CFAP70: variants seen among roughly 807,000 people sequenced by gnomAD.
CFAP70 encodes cilia- and flagella-associated protein 70.
Under a neutral mutation model 137.6 loss-of-function variants are expected in CFAP70, and 81 were observed. That is an observed-to-expected ratio of 0.59 (90% CI 0.49 to 0.71). The LOEUF (loss-of-function observed/expected upper bound fraction) is 0.71. Among genes scored for constraint, CFAP70 ranks in the 30% least tolerant of loss-of-function variants. The probability of loss-of-function intolerance (pLI) is 0.00; values close to 1 mark genes in which losing one functional copy is unlikely to be tolerated. For synonymous variants in CFAP70, 382 were observed against 423.6 expected, an observed-to-expected ratio of 0.90 and a Z score of 1.20; for missense variants, 976 against 1,226.7, an observed-to-expected ratio of 0.80 and a Z score of 3.05.
chr10:73,337,439 G>A (rs2052779795), intron 6 of CFAP70, among the ~76,000 whole-genome samples: 1 of 152,184 alleles, frequency 6.6e-6, no homozygotes, highest in Admixed American at 6.5e-5. Flanking sequence ...AGCTGAGATA[G>A]CGCCATTGCA....
At chr10:73,354,090 G>C (rs1016163139) in intron 2 of CFAP70, among the ~76,000 whole-genome samples, 2 of 152,164 alleles carry the variant, frequency 1.3e-5, no homozygotes, top group Admixed American at 6.5e-5. Context: ...CGCGATCTCA[G>C]CTCACTGCAA....
chr10:73,334,541 C>A (rs1197842178), intron 7 of CFAP70, among the ~76,000 whole-genome samples: 1 of 151,834 alleles, frequency 6.6e-6, no homozygotes, highest in African/African-American at 2.4e-5. Flanking sequence ...AGCCTGGATA[C>A]CTAATAACAC....
At chr10:73,328,628 C>T (rs1186176013) in intron 8 of CFAP70, among the ~76,000 whole-genome samples, 1 of 140,038 alleles carries the variant, frequency 7.1e-6, no homozygotes, top group Admixed American at 7.1e-5. Context: ...ACAATGAACT[C>T]AAACAAATTT....
intron 8 of CFAP70, among the ~76,000 whole-genome samples, chr10:73,329,786 T>C (rs1226554205): frequency 1.3e-5 from 2 of 152,220 alleles, no homozygotes; most frequent in Non-Finnish European, 2.9e-5. Context: ...CTTTAACTTA[T>C]GTCTAAATTC....
chr10:73,351,061 GTGTGTGTGTGTATATA>G (rs2054186293), intron 3 of CFAP70, among the ~76,000 whole-genome samples: 1 of 55,596 alleles, frequency 1.8e-5, no homozygotes, highest in East Asian at 1.0e-3. Flanking sequence ...GTGTGTGTGT[GTGTGTGTGTGTATATA>G]TATATATATA....
At chr10:73,282,096 ATTGAGG>A (rs562850005) in intron 19 of CFAP70, among the ~76,000 whole-genome samples, 16,838 of 152,180 alleles carry the variant, frequency 0.11, 1,288 homozygotes, top group East Asian at 0.3. Context: ...ACTCATCCAT[ATTGAGG>A]CTGGGGAAGG....
chr10:73,351,216 T>G (rs1383561254), intron 3 of CFAP70, among the ~76,000 whole-genome samples: 1 of 148,780 alleles, frequency 6.7e-6, no homozygotes. Flanking sequence ...CCTCCTGGGT[T>G]CTCGCCATTC....
intron 25 of CFAP70, among the ~76,000 whole-genome samples, chr10:73,256,880 G>A (rs1387233840): frequency 7.6e-6 from 1 of 131,250 alleles, no homozygotes; most frequent in Admixed American, 8.9e-5. Context: ...TCCATCCTGG[G>A]CAACAGAGTG....
chr10:73,299,579 C>T, intron 13 of CFAP70, 26 bp downstream of exon 14: 1 of 1,601,186 alleles, frequency 6.2e-7, no homozygotes, highest in Non-Finnish European at 8.6e-7. Flanking sequence ...TATTACTTAT[C>T]ATTTCAACTT....
In CFAP70 at chr10:73,302,820, T is replaced by C. The variant is rs150321144; in HGVS notation, c.1257-3155A>G. Among the ~76,000 whole-genome samples the C allele has an allele frequency of 2.4e-4, 37 of 152,278 alleles. No homozygotes were observed. The East Asian group carries it at 6.2e-3, about 25-fold the overall frequency. On this transcript the variant is annotated intron_variant, in intron 12 of 26. Coordinates refer to ENST00000310715, the Ensembl canonical transcript of CFAP70. ...GTATACCCATGCCTCAGGCTCAGCC[T>C]GCAACGAAAGGCAAATAATCTTTTA...
Position 73,275,231 on chromosome 10 carries a change from G to A in CFAP70, c.2673+215C>T, listed in dbSNP as rs113607367. On this transcript the variant is annotated intron_variant, in intron 22 of 26. Transcript: ENST00000310715. This position sits in a 1 kb window ranked among gnomAD's most constrained non-coding sequence, Gnocchi z 4.0. Reference sequence around the variant, plus strand: ...CCTGACCTCGTGATCTGCCTGCCTCGGCCTCCCAAAGTGCTGCGATTACAG... The same window carrying A: ...CCTGACCTCGTGATCTGCCTGCCTCAGCCTCCCAAAGTGCTGCGATTACAG... 3 of 306,120 alleles carry A rather than the reference G, an allele frequency of 9.8e-6. No individual in the cohort carries two copies. The highest frequency in any genetic ancestry group is 9.3e-4 in the Middle Eastern group (1 of 1,080). 19.0% of individuals were successfully genotyped at this position (306,120 alleles called of 1,614,324 possible).
chr10:73,256,736 T>C (rs1327709840), intron 25 of CFAP70, among the ~76,000 whole-genome samples: 1 of 151,700 alleles, frequency 6.6e-6, no homozygotes, highest in East Asian at 1.9e-4. Context: ...ACCCCGTCTC[T>C]AATAAAAATA....
intron 6 of CFAP70, 109 bp downstream of exon 7, chr10:73,341,286 TGTAA>T: frequency 2.2e-6 from 2 of 912,102 alleles, no homozygotes; most frequent in African/African-American, 3.3e-5. Context: ...TATTTTGGCA[TGTAA>T]GTATTTCGAC....
intron 3 of CFAP70, among the ~76,000 whole-genome samples, chr10:73,349,924 A>C (rs2054057156): frequency 6.6e-6 from 1 of 152,238 alleles, no homozygotes; most frequent in Non-Finnish European, 1.5e-5. Context: ...AATCCCAAGT[A>C]AGACATTTTC....
At chr10:73,335,930 C>T (rs2052605422) in intron 6 of CFAP70, among the ~76,000 whole-genome samples, 1 of 147,268 alleles carries the variant, frequency 6.8e-6, no homozygotes, top group South Asian at 2.2e-4. Context: ...TGCTTGAGGC[C>T]AGGAGTTCAA....
At position 73,357,194 on chromosome 10, in the gene CFAP70, T is replaced by C. The variant is rs117690781; in HGVS notation, c.-40+1520A>G. Among the ~76,000 whole-genome samples, 988 of 152,304 alleles carry C rather than the reference T, an allele frequency of 6.5e-3. 7 individuals carry two copies. Among genetic ancestry groups the C allele is most frequent in the Non-Finnish European group, 0.01 (704 of 68,028 alleles). The stretch of plus-strand genomic sequence containing the variant: ...GTGTGCCAAGTGTGCTTCGCATTTA[T>C]TATCTTAAATGTAGCCTCCCTTCTA... On this transcript the variant is annotated intron_variant, in intron 1 of 26. Coordinates refer to ENST00000310715, the Ensembl canonical transcript of CFAP70.
chr10:73,361,156 G>A (rs1396266998), upstream of CFAP70, among the ~76,000 whole-genome samples: 3 of 151,872 alleles, frequency 2.0e-5, no homozygotes, highest in South Asian at 2.1e-4. Flanking sequence ...CCATCACCAC[G>A]CCCGGCTAAT....
chr10:73,306,255 A>T (rs1419844890), intron 12 of CFAP70, among the ~76,000 whole-genome samples: 2 of 152,130 alleles, frequency 1.3e-5, no homozygotes, highest in East Asian at 3.9e-4. Flanking sequence ...CCCCCTTTCT[A>T]GAGAAGAAAG....
exon 4 of CFAP70, chr10:73,348,452 G>C (rs751399095): frequency 6.4e-7 from 1 of 1,565,998 alleles, no homozygotes; most frequent in East Asian, 2.3e-5. Flanking sequence ...GTCCACCACA[G>C]CCTGACCAAG....
Sources: gnomAD v4.1 joint callset for allele counts (sites outside exome capture counted in the v4.1 genomes callset) on GRCh38, gnomAD v4.1.1 for gene constraint, Gnocchi (gnomAD v3.1) non-coding constraint, MANE v1.5 for transcripts, NCBI Gene and HGNC (gene_info 2026-07-23, HGNC 2026-07-21) for gene names.